NT5DC4: variants seen among roughly 807,000 people sequenced by gnomAD.
NT5DC4 encodes 5'-nucleotidase domain containing 4, also known as 5'-nucleotidase domain-containing protein 4.
A neutral mutation model predicts 26.6 loss-of-function variants in NT5DC4; 44 were observed. The ratio of observed to expected loss-of-function variants is 1.65; its 90% CI spans 1.30 to 2.13. NT5DC4 has a LOEUF of 2.13. Ranked by LOEUF, NT5DC4 falls within the 30% of genes most tolerant of loss-of-function variation. NT5DC4 has a pLI of 0.00. For synonymous variants in NT5DC4, 157 were observed against 86.7 expected (o/e 1.81, Z -4.51); for missense variants, 399 against 228.1 (o/e 1.75, Z -4.83).
rs1274363566 is a variant in NT5DC4, at chr2:112,723,147, T to G, written c.594T>G (p.Thr198=). The G allele has an allele frequency of 2.8e-6, 2 of 717,282 alleles. No homozygotes were observed. Among genetic ancestry groups the G allele is most frequent in the Non-Finnish European group, 5.2e-6 (2 of 385,084 alleles). The allele number at this position is 717,282 out of a possible 1,614,324, so 44.4% of individuals were successfully genotyped here. The change falls in exon 7 of 17, where the codon ACT becomes ACG. Residue 198 remains threonine, a synonymous_variant. Coordinates refer to ENST00000688554, the MANE Select transcript of NT5DC4 (RefSeq NM_001393655.1). The stretch of plus-strand genomic sequence containing the variant: ...TCCGAAGCCTCTTCCAGGATGTGAC[T>G]GATGCCATGAATAACATCCACCAGT... ...MSFRSLFQDV[T]DAMNNIHQSG...
chr2:112,719,549 G>A (rs1003262592), upstream of NT5DC4, among the ~76,000 whole-genome samples: 3 of 140,354 alleles, frequency 2.1e-5, no homozygotes, highest in East Asian at 2.2e-4. Context: ...GCAGTGGCAC[G>A]ATCTTGGATG....
chr2:112,725,079 G>A, intron 11 of NT5DC4, 95 bp from the exon 12 acceptor site: 1 of 658,064 alleles, frequency 1.5e-6, no homozygotes, highest in South Asian at 1.7e-5. Context: ...ACCCCCCATG[G>A]TTACCTCTGC....
chr2:112,728,450 G>A lies in NT5DC4; in HGVS notation c.1267-1177G>A, dbSNP rs554102449. On this transcript the variant is annotated intron_variant, in intron 15 of 16. Coordinates refer to ENST00000688554, the MANE Select transcript of NT5DC4 (RefSeq NM_001393655.1). ...GGTGGCTACGATGGCACTGGGCAAG[G>A]GTTAGTAGGAGTCATGGGACTGGCC... is the stretch of plus-strand genomic sequence containing the variant. Among the ~76,000 whole-genome samples, 12 of 152,286 alleles carry A rather than the reference G, an allele frequency of 7.9e-5. No homozygotes were observed. The East Asian group carries it at 2.3e-3, about 29-fold the overall frequency.
rs1553437320 is a variant in NT5DC4 at position 112,734,195 on chromosome 2, G to GTGTGTGTGTGTGTGTT, written c.1344+4498_1344+4499insGTGTGTGTTTGTGTGT. Among the ~76,000 whole-genome samples, 182 of 151,510 alleles carry GTGTGTGTGTGTGTGTT rather than the reference G, an allele frequency of 1.2e-3. 1 individual carries two copies. Among genetic ancestry groups the GTGTGTGTGTGTGTGTT allele is most frequent in the African/African-American group, 4.1e-3 (168 of 40,914 alleles). The stretch of plus-strand genomic sequence containing the variant: ...TGTGTGTGTGTGTGTGTGTGTGTGT[G>GTGTGTGTGTGTGTGTT]TGTGTGTACATTAGTCAGGATTTTT... On this transcript the variant is annotated intron_variant, in intron 16 of 16. Transcript: ENST00000688554.
chr2:112,725,905 G>C (rs1484402131), intron 13 of NT5DC4, among the ~76,000 whole-genome samples: 2 of 130,562 alleles, frequency 1.5e-5, no homozygotes, highest in Non-Finnish European at 3.2e-5. Context: ...TTCCACCCAG[G>C]TATGACTTGA....
At chr2:112,736,980 G>A (rs1679289880) in intron 16 of NT5DC4, 1 of 151,834 alleles carries the variant, frequency 6.6e-6, no homozygotes, top group Admixed American at 6.6e-5. Flanking sequence ...AGGCTGGAGT[G>A]CAGTGACGCA....
At chr2:112,738,039 T>A (rs1191607670) in intron 16 of NT5DC4, 1 of 152,096 alleles carries the variant, frequency 6.6e-6, no homozygotes, top group Non-Finnish European at 1.5e-5. Flanking sequence ...CCTACAACAG[T>A]CTCTGGGGCT....
Position 112,722,587 on chromosome 2 carries a change from C to T in NT5DC4, c.467C>T (p.Pro156Leu). Residue 156 changes from proline to leucine, a missense_variant and splice_region_variant, in exon 5 of 17, where the codon CCT becomes CTT. By Grantham distance (98) the Pro-to-Leu change is moderately conservative. Coordinates refer to ENST00000688554, the MANE Select transcript of NT5DC4 (RefSeq NM_001393655.1). Reference sequence around the variant, plus strand: ...ATACTCAACATGCTCTTCAACCTGCCTGGTGGGTGGAGGGTTGGGGGCACG... The same window carrying T: ...ATACTCAACATGCTCTTCAACCTGCTTGGTGGGTGGAGGGTTGGGGGCACG... ...FYILNMLFNL[P>L]ETYLYACLVD... 1.4e-6 allele frequency: 1 copy of T among 717,456 alleles called. No individual in the cohort carries two copies. Among genetic ancestry groups the T allele is most frequent in the South Asian group, 1.5e-5 (1 of 67,604 alleles). The allele number at this position is 717,456 out of a possible 1,614,324, so 44.4% of individuals were successfully genotyped here. A position where few individuals can be genotyped will look rare whatever the true frequency, so the allele number is the denominator to read the frequency against.
At chr2:112,740,854 T>A (rs764833990), downstream of NT5DC4, 10 of 1,613,362 alleles carry the variant, frequency 6.2e-6, no homozygotes, top group African/African-American at 1.3e-5. Context: ...GATACCAGGA[T>A]AATTATGCTG....
At chr2:112,730,849 G>T (rs1558739107) in intron 16 of NT5DC4, among the ~76,000 whole-genome samples, 1 of 152,140 alleles carries the variant, frequency 6.6e-6, no homozygotes, top group Non-Finnish European at 1.5e-5. Flanking sequence ...GCATTCACAG[G>T]CTTTAATCAG....
upstream of NT5DC4, among the ~76,000 whole-genome samples, chr2:112,720,439 G>T (rs1187593805): frequency 6.6e-6 from 1 of 152,114 alleles, no homozygotes; most frequent in Non-Finnish European, 1.5e-5. Flanking sequence ...GCTCCAAATG[G>T]AAGTCACATG....
chr2:112,741,373 A>G (rs191240156), downstream of NT5DC4, among the ~76,000 whole-genome samples: 1 of 152,146 alleles, frequency 6.6e-6, no homozygotes, highest in East Asian at 1.9e-4. Context: ...AATTTTCTTG[A>G]CTCACTAAGG....
At chr2:112,719,420 ATTTAG>A (rs1244135209), upstream of NT5DC4, among the ~76,000 whole-genome samples, 3 of 147,736 alleles carry the variant, frequency 2.0e-5, no homozygotes, top group Non-Finnish European at 4.5e-5. Context: ...TGCCACCTTC[ATTTAG>A]TTTAGTTTAG....
Position 112,734,463 on chromosome 2 carries a change from CTATCTT to C in NT5DC4, c.1345-4442_1345-4437del, listed in dbSNP as rs112328719. On this transcript the variant is annotated intron_variant, in intron 16 of 16. Coordinates refer to ENST00000688554, the MANE Select transcript of NT5DC4 (RefSeq NM_001393655.1). ...ATGGCTGTTCCCAAACTCCAGATTTCTATCTTTATCTTTTCAGCAACTCTACCAGGA... is the reference window on the plus strand; with the variant it reads ...ATGGCTGTTCCCAAACTCCAGATTTCTATCTTTTCAGCAACTCTACCAGGA... Among the ~76,000 whole-genome samples, 12 of 152,216 alleles carry C rather than the reference CTATCTT, an allele frequency of 7.9e-5. 2 individuals carry two copies. Among genetic ancestry groups the C allele is most frequent in the African/African-American group, 2.9e-4 (12 of 41,522 alleles).
chr2:112,726,774 G>A, intron 15 of NT5DC4, 36 bp downstream of exon 15: 1 of 717,396 alleles, frequency 1.4e-6, no homozygotes. Context: ...GACAGGCCCA[G>A]CAGGGGCGGA....
At chr2:112,724,240 G>T in intron 10 of NT5DC4, 114 bp downstream of exon 10, 2 of 702,400 alleles carry the variant, frequency 2.8e-6, no homozygotes, top group South Asian at 3.0e-5. Context: ...CTTTGAGGAA[G>T]ACCTGAGTGT....
In NT5DC4 at chr2:112,727,081, C is replaced by G. The variant is rs1464158283; in HGVS notation, c.1266+343C>G. ...TTCTGATAGGAAATGTGATTTAGGG[C>G]CAGTGAGCCCAGGGTCCTTGGAAAA... On this transcript the variant is annotated intron_variant, in intron 15 of 16. Coordinates refer to ENST00000688554, the MANE Select transcript of NT5DC4 (RefSeq NM_001393655.1). 4.2e-5 allele frequency: 14 copies of G among 331,620 alleles called. 1 individual carries two copies. Among genetic ancestry groups the G allele is most frequent in the Admixed American group, 3.8e-4 (10 of 26,006 alleles). The allele number at this position is 331,620 out of a possible 1,614,324, so 20.5% of individuals were successfully genotyped here. A position where few individuals can be genotyped will look rare whatever the true frequency, so the allele number is the denominator to read the frequency against.
chr2:112,723,886 G>T, intron 9 of NT5DC4, 84 bp downstream of exon 9: 1 of 701,816 alleles, frequency 1.4e-6, no homozygotes, highest in Non-Finnish European at 2.7e-6. Flanking sequence ...ACAGGGAGGG[G>T]TGGGGCGGGG....
chr2:112,722,509 G>A lies in NT5DC4; in HGVS notation c.389G>A (p.Trp130Ter), dbSNP rs1296587764. Residue 130 changes from tryptophan to a stop codon, truncating the protein, a stop_gained, in exon 5 of 17, where the codon TGG becomes TAG. Coordinates refer to ENST00000688554, the MANE Select transcript of NT5DC4 (RefSeq NM_001393655.1). LOFTEE classifies it high-confidence loss of function. ...CTACCCCTCCTCAGGGCAGAGATCT[G>A]GAGCTTCTACCCCAGCAAGTTCATT... ...SDLPLLRAEI[W>*]SFYPSKFIQR... The A allele has an allele frequency of 5.6e-6, 4 of 717,238 alleles. No individual in the cohort carries two copies. In the Admixed American group the frequency reaches 8.0e-5, roughly 14 times the overall value. 44.4% of individuals were successfully genotyped at this position (717,238 alleles called of 1,614,324 possible). A position where few individuals can be genotyped will look rare whatever the true frequency, so the allele number is the denominator to read the frequency against.
Sources: gnomAD v4.1 joint callset for allele counts (sites outside exome capture counted in the v4.1 genomes callset) on GRCh38, gnomAD v4.1.1 for gene constraint, MANE v1.5 for transcripts, NCBI Gene and HGNC (gene_info 2026-07-23, HGNC 2026-07-21) for gene names.